RASAL2: variants seen among roughly 807,000 people sequenced by gnomAD.
RASAL2 encodes the protein ras GTPase-activating protein nGAP.
In RASAL2, 58 loss-of-function variants were observed where a neutral mutation model predicts 128.9. The ratio of observed to expected loss-of-function variants is 0.45; its 90% CI spans 0.36 to 0.56. The LOEUF (loss-of-function observed/expected upper bound fraction) is 0.56, where lower values mean the gene tolerates loss of function less well. RASAL2 is among the 20% of genes least tolerant of loss of function. The pLI is 0.00. For synonymous variants in RASAL2, 561 were observed against 580.8 expected, an observed-to-expected ratio of 0.97 and a Z score of 0.49; for missense variants, 1,360 against 1,601.6, an observed-to-expected ratio of 0.85 and a Z score of 2.57.
chr1:178,325,780 T>C (rs1669010401), intron 3 of RASAL2, among the ~76,000 whole-genome samples: 1 of 152,204 alleles, frequency 6.6e-6, no homozygotes, highest in African/African-American at 2.4e-5. Flanking sequence ...GATGAGCTTT[T>C]ATAACTAAAT....
chr1:178,476,879 G>C lies in RASAL2; in HGVS notation c.*3640G>C, dbSNP rs1648710466. Reference sequence around the variant, plus strand: ...AAAATAACTGCCATCAAGTGAGTTTGCATTCGTATTTGTTTCCCCTTCCAT... The same window carrying C: ...AAAATAACTGCCATCAAGTGAGTTTCCATTCGTATTTGTTTCCCCTTCCAT... On this transcript the variant is annotated 3_prime_UTR_variant, in exon 18 of 18. Coordinates refer to ENST00000367649, the MANE Select transcript of RASAL2 (RefSeq NM_170692.4). The C allele has an allele frequency of 1.3e-5, 2 of 152,176 alleles. No individual in the cohort carries two copies. Among genetic ancestry groups the C allele is most frequent in the South Asian group, 4.1e-4 (2 of 4,824 alleles). The allele number at this position is 152,176 out of a possible 1,614,324, so 9.4% of individuals were successfully genotyped here.
chr1:178,455,437 T>A (rs945919914), intron 12 of RASAL2, among the ~76,000 whole-genome samples: 1 of 152,202 alleles, frequency 6.6e-6, no homozygotes. Context: ...ATGATCTACT[T>A]ATTTTCCTCT....
intron 3 of RASAL2, among the ~76,000 whole-genome samples, chr1:178,376,925 G>T (rs986118708): frequency 1.1e-4 from 16 of 151,958 alleles, no homozygotes; most frequent in Non-Finnish European, 2.4e-4. Context: ...CTATTCTGTA[G>T]TCCCATAACC....
intron 3 of RASAL2, among the ~76,000 whole-genome samples, chr1:178,387,043 G>A (rs988930003): frequency 2.6e-5 from 4 of 152,164 alleles, no homozygotes; most frequent in African/African-American, 9.7e-5. Context: ...CTTCTAAGTG[G>A]ACATTGGTAC....
chr1:178,207,059 G>A (rs1663074623), intron 1 of RASAL2, among the ~76,000 whole-genome samples: 1 of 151,256 alleles, frequency 6.6e-6, no homozygotes, highest in African/African-American at 2.4e-5. Flanking sequence ...TTGCAAACCT[G>A]TAGTCCAAGC....
chr1:178,190,642 TG>T (rs1321578785), intron 1 of RASAL2, among the ~76,000 whole-genome samples: 1 of 152,116 alleles, frequency 6.6e-6, no homozygotes, highest in Non-Finnish European at 1.5e-5. Flanking sequence ...ATGATTTTTG[TG>T]AAAGATTCTG....
At chr1:178,235,128 T>A (rs1413569611) in intron 1 of RASAL2, among the ~76,000 whole-genome samples, 3 of 152,218 alleles carry the variant, frequency 2.0e-5, no homozygotes, top group African/African-American at 7.2e-5. Context: ...GTTGTTTCAG[T>A]TTCTTGGATA....
intron 1 of RASAL2, among the ~76,000 whole-genome samples, chr1:178,233,821 A>G (rs768708029): frequency 2.4e-4 from 36 of 152,196 alleles, no homozygotes; most frequent in African/African-American, 7.5e-4. Context: ...ACTCTTTCCA[A>G]TGGCTTCTCC....
chr1:178,341,217 G>A (rs1669859724), intron 3 of RASAL2, among the ~76,000 whole-genome samples: 1 of 152,172 alleles, frequency 6.6e-6, no homozygotes, highest in African/African-American at 2.4e-5. Context: ...AAAGTGCACA[G>A]ATTCACACAT....
Position 178,475,770 on chromosome 1 carries a change from A to G in RASAL2, c.*2531A>G, listed in dbSNP as rs1316225722. On this transcript the variant is annotated 3_prime_UTR_variant, in exon 18 of 18. Coordinates refer to ENST00000367649, the MANE Select transcript of RASAL2 (RefSeq NM_170692.4). ...AATGCCCAAAACATTTGGACAGATT[A>G]TGCAGCCTTCTACTACCAGGTTATC... 2 of 152,250 alleles carry G rather than the reference A, an allele frequency of 1.3e-5. No individual in the cohort carries two copies. The highest frequency in any genetic ancestry group is 6.5e-5 in the Admixed American group (1 of 15,286). The allele number at this position is 152,250 out of a possible 1,614,324, so 9.4% of individuals were successfully genotyped here. A position where few individuals can be genotyped will look rare whatever the true frequency, so the allele number is the denominator to read the frequency against.
chr1:178,297,101 T>G lies in RASAL2; in HGVS notation c.331-2891T>G, dbSNP rs565727218. Among the ~76,000 whole-genome samples the G allele has an allele frequency of 3.9e-5, 6 of 152,154 alleles. No homozygotes were observed. The East Asian group carries it at 1.2e-3, about 29-fold the overall frequency. On this transcript the variant is annotated intron_variant, in intron 2 of 17. Coordinates refer to ENST00000367649, the MANE Select transcript of RASAL2 (RefSeq NM_170692.4). ...GTTATAGAACTTGGAAGATACATAA[T>G]TTTTATGAGGAATTCAGTATAAACA...
chr1:178,174,151 C>T (rs111995181), intron 1 of RASAL2, among the ~76,000 whole-genome samples: 2,053 of 152,006 alleles, frequency 0.014, 48 homozygotes, highest in African/African-American at 0.046. Flanking sequence ...ATATGAAAAA[C>T]GTATTAGCAT....
intron 1 of RASAL2, among the ~76,000 whole-genome samples, chr1:178,179,353 G>A (rs1321260696): frequency 6.6e-6 from 1 of 152,168 alleles, no homozygotes; most frequent in Non-Finnish European, 1.5e-5. Flanking sequence ...CTTTGATAAT[G>A]CCAACATTCA....
intron 1 of RASAL2, among the ~76,000 whole-genome samples, chr1:178,244,846 G>A (rs1355119632): frequency 6.6e-6 from 1 of 152,050 alleles, no homozygotes; most frequent in African/African-American, 2.4e-5. Flanking sequence ...CTGTTCCTGT[G>A]TTAGTTTGCT....
At chr1:178,175,812 C>A (rs1335471847) in intron 1 of RASAL2, among the ~76,000 whole-genome samples, 2 of 152,062 alleles carry the variant, frequency 1.3e-5, no homozygotes, top group Non-Finnish European at 2.9e-5. Context: ...GTTTTCCATC[C>A]CTGAGTTAAC....
At chr1:178,218,122 T>G (rs1458094448) in intron 1 of RASAL2, among the ~76,000 whole-genome samples, 2 of 151,980 alleles carry the variant, frequency 1.3e-5, no homozygotes, top group African/African-American at 4.8e-5. Flanking sequence ...TAATTCCTAT[T>G]CTCTTGCTAT....
At chr1:178,251,914 A>T (rs1194948122) in intron 1 of RASAL2, among the ~76,000 whole-genome samples, 5 of 152,226 alleles carry the variant, frequency 3.3e-5, no homozygotes, top group Non-Finnish European at 5.9e-5. Context: ...AATTAGCTAC[A>T]GTTAACTAAA....
At chr1:178,306,679 G>A (rs1233583618) in intron 3 of RASAL2, among the ~76,000 whole-genome samples, 1 of 151,820 alleles carries the variant, frequency 6.6e-6, no homozygotes, top group African/African-American at 2.4e-5. Context: ...TGTGTTTTTT[G>A]GCTGCGTAAG....
chr1:178,299,878 T>G, intron 2 of RASAL2, 114 bp from the exon 3 acceptor site: 1 of 1,032,024 alleles, frequency 9.7e-7, no homozygotes, highest in Non-Finnish European at 1.4e-6. Context: ...ATATTTCTCC[T>G]GCCTTACTCT....
Sources: gnomAD v4.1 joint callset for allele counts (sites outside exome capture counted in the v4.1 genomes callset) on GRCh38, gnomAD v4.1.1 for gene constraint, MANE v1.5 for transcripts, NCBI Gene and HGNC (gene_info 2026-07-23, HGNC 2026-07-21) for gene names.